SFPQ: variants seen among roughly 807,000 people sequenced by gnomAD.
SFPQ encodes splicing factor, proline- and glutamine-rich.
SFPQ carries 11 observed loss-of-function variants against 72.9 expected under a neutral mutation model. That is an observed-to-expected ratio of 0.15 (90% CI 0.09 to 0.25). SFPQ has a LOEUF of 0.25. Among genes scored for constraint, SFPQ ranks in the 10% least tolerant of loss-of-function variants. The pLI, the probability that SFPQ is intolerant of heterozygous loss-of-function variation, is 1.00. For synonymous variants in SFPQ, 506 were observed against 367.3 expected (o/e 1.38, Z -4.32); for missense variants, 847 against 993.3 (o/e 0.85, Z 1.98).
In SFPQ at chr1:35,183,217, T is replaced by C. The variant is rs538722423; in HGVS notation, c.*1239A>G. 7.1e-5 allele frequency: 71 copies of C among 999,248 alleles called. No individual in the cohort carries two copies. The Middle Eastern group carries it at 2.9e-3, about 40-fold the overall frequency. The allele number at this position is 999,248 out of a possible 1,614,324, so 61.9% of individuals were successfully genotyped here. On this transcript the variant is annotated 3_prime_UTR_variant, in exon 10 of 10. Transcript: ENST00000357214. ...GTATATATAACTAAACCTACTTCAG[T>C]ACTAAACCTTTTTTTTTTTTTGAGA...
downstream of SFPQ, chr1:35,179,206 G>C (rs1286144165): frequency 2.8e-6 from 3 of 1,061,182 alleles, no homozygotes; most frequent in Non-Finnish European, 2.3e-6. Context: ...ATGCAGGACT[G>C]TGGATCATGT....
At chr1:35,180,830 CA>C (rs1321743045), downstream of SFPQ, 4 of 985,304 alleles carry the variant, frequency 4.1e-6, no homozygotes, top group Non-Finnish European at 3.6e-6. Flanking sequence ...CCCTCTCCCC[CA>C]CACCACTGAT....
intron 7 of SFPQ, among the ~76,000 whole-genome samples, chr1:35,187,553 A>T (rs1344997986): frequency 1.3e-5 from 2 of 152,186 alleles, no homozygotes; most frequent in Non-Finnish European, 2.9e-5. Context: ...CAACAAGGCG[A>T]AACGCCATTT....
Position 35,183,270 on chromosome 1 carries a change from G to A in SFPQ, c.*1186C>T. On this transcript the variant is annotated 3_prime_UTR_variant, in exon 10 of 10. Coordinates refer to ENST00000357214, the MANE Select transcript of SFPQ (RefSeq NM_005066.3). ...GAGTCTCGCTCTGTTGTCCAGGCTG[G>A]AGTGCAGTGGCAGTCTCAGCTCACT... The A allele has an allele frequency of 1.5e-6, 1 of 681,620 alleles. No homozygotes were observed. The highest frequency in any genetic ancestry group is 1.8e-6 in the Non-Finnish European group (1 of 545,242). The allele number at this position is 681,620 out of a possible 1,614,324, so 42.2% of individuals were successfully genotyped here. A position where few individuals can be genotyped will look rare whatever the true frequency, so the allele number is the denominator to read the frequency against.
chr1:35,182,652 T>A (rs1222761645), downstream of SFPQ: 1 of 985,348 alleles, frequency 1.0e-6, no homozygotes, highest in Admixed American at 6.1e-5. Context: ...ATTTTTCTTT[T>A]GCCAATTAGC....
intron 4 of SFPQ, chr1:35,177,645 A>AT (rs552324938): frequency 6.5e-6 from 1 of 153,876 alleles, no homozygotes; most frequent in South Asian, 2.0e-4. Flanking sequence ...CTTCTCCTAC[A>AT]TTTTCTTAAG....
chr1:35,180,270 GAAC>G (rs959508147), downstream of SFPQ: 7 of 1,049,236 alleles, frequency 6.7e-6, no homozygotes, highest in Admixed American at 3.3e-4. Context: ...GTGAGGTCTG[GAAC>G]AACAGTTGAT....
rs1309598958 is a variant in SFPQ at position 35,192,972 on chromosome 1, G to A, written c.78C>T (p.Gly26=). 3 of 1,571,844 alleles carry A rather than the reference G, an allele frequency of 1.9e-6. No homozygotes were observed. Among genetic ancestry groups the A allele is most frequent in the East Asian group, 2.3e-5 (1 of 42,922 alleles). The change falls in exon 1 of 10, where the codon GGC becomes GGT. Residue 26 remains glycine, a synonymous_variant. Transcript: ENST00000357214. ...FHRRGGGGGR[G]GLHDFRSPPP... ...GCGGAGAACGGAAGTCGTGGAGGCC[G>A]CCGCGGCCGCCGCCTCCTCCACGCC...
intron 9 of SFPQ, 28 bp downstream of exon 9, chr1:35,186,973 T>C (rs780610825): frequency 3.8e-6 from 6 of 1,578,794 alleles, no homozygotes; most frequent in East Asian, 2.3e-5. Context: ...AGAATTTCCT[T>C]GGTACTACGT....
downstream of SFPQ, chr1:35,182,860 A>G (rs1639527342): frequency 9.6e-7 from 1 of 1,046,490 alleles, no homozygotes; most frequent in South Asian, 4.6e-5. Flanking sequence ...TAAACAATCT[A>G]CTTTAATAGT....
At chr1:35,179,354 T>G (rs1187121176), downstream of SFPQ, 3 of 1,057,382 alleles carry the variant, frequency 2.8e-6, no homozygotes, top group Non-Finnish European at 2.3e-6. Flanking sequence ...CAACCTTGCA[T>G]GAAGAGCACC....
intron 9 of SFPQ, among the ~76,000 whole-genome samples, chr1:35,186,441 TG>T (rs576218962): frequency 1.1e-3 from 175 of 152,298 alleles, no homozygotes; most frequent in African/African-American, 4.1e-3. Flanking sequence ...AGATGTCAGT[TG>T]ATTTTAGAAG....
In SFPQ at chr1:35,189,397, A is replaced by T. The variant is rs1368424584; in HGVS notation, c.1416-15T>A. On this transcript the variant is annotated splice_polypyrimidine_tract_variant and intron_variant, in intron 4 of 9. Coordinates refer to ENST00000357214, the MANE Select transcript of SFPQ (RefSeq NM_005066.3). The stretch of plus-strand genomic sequence containing the variant: ...TTTCTCTCTCCCTAACAATACACAA[A>T]ATTTTAACATGAACCGATTTGTGAA... 9 of 1,602,194 alleles carry T rather than the reference A, an allele frequency of 5.6e-6. No homozygotes were observed. In the African/African-American group the frequency reaches 1.1e-4, roughly 19 times the overall value.
In SFPQ at chr1:35,182,954, GGTGGGAGGAAGGGATATTTGTACTGT is replaced by G; in HGVS notation, c.*1476_*1501del. 1 of 1,043,592 alleles carries G rather than the reference GGTGGGAGGAAGGGATATTTGTACTGT, an allele frequency of 9.6e-7. No individual in the cohort carries two copies. Among genetic ancestry groups the G allele is most frequent in the Non-Finnish European group, 1.2e-6 (1 of 865,736 alleles). 64.6% of individuals were successfully genotyped at this position (1,043,592 alleles called of 1,614,324 possible). ...CCATGGAAACATTCCAAGCCTTTAT[GGTGGGAGGAAGGGATATTTGTACTGT>G]GTAGCATGAGCAACTTTCTCCAGAT... On this transcript the variant is annotated 3_prime_UTR_variant, in exon 10 of 10. Transcript: ENST00000357214.
downstream of SFPQ, chr1:35,178,032 C>A: frequency 7.7e-7 from 1 of 1,291,888 alleles, no homozygotes; most frequent in Non-Finnish European, 1.0e-6. Context: ...ATCAATCATT[C>A]TTACCTAAAG....
Position 35,183,265 on chromosome 1 carries a change from G to T in SFPQ, c.*1191C>A. 1 of 759,084 alleles carries T rather than the reference G, an allele frequency of 1.3e-6. No individual in the cohort carries two copies. Among genetic ancestry groups the T allele is most frequent in the Non-Finnish European group, 1.6e-6 (1 of 616,482 alleles). The allele number at this position is 759,084 out of a possible 1,614,324, so 47.0% of individuals were successfully genotyped here. A position where few individuals can be genotyped will look rare whatever the true frequency, so the allele number is the denominator to read the frequency against. On this transcript the variant is annotated 3_prime_UTR_variant, in exon 10 of 10. Transcript: ENST00000357214. Reference sequence around the variant, plus strand: ...AGACAGAGTCTCGCTCTGTTGTCCAGGCTGGAGTGCAGTGGCAGTCTCAGC... The same window carrying T: ...AGACAGAGTCTCGCTCTGTTGTCCATGCTGGAGTGCAGTGGCAGTCTCAGC...
At chr1:35,181,526 T>G (rs1016483506), downstream of SFPQ, 4 of 1,062,998 alleles carry the variant, frequency 3.8e-6, no homozygotes, top group African/African-American at 4.9e-5. Flanking sequence ...GCAAAGAGGA[T>G]TATGGTTTCA....
At chr1:35,179,276 C>T (rs1415086416), downstream of SFPQ, 1 of 1,060,224 alleles carries the variant, frequency 9.4e-7, no homozygotes, top group Non-Finnish European at 1.1e-6. Flanking sequence ...GGTTAAAAGT[C>T]CAAAACTAGT....
At chr1:35,185,142 A>G (rs998482035) in intron 9 of SFPQ, among the ~76,000 whole-genome samples, 1 of 152,172 alleles carries the variant, frequency 6.6e-6, no homozygotes, top group African/African-American at 2.4e-5. Context: ...AAGTTTTAAT[A>G]AAATGCTACC....
Sources: gnomAD v4.1 joint callset for allele counts (sites outside exome capture counted in the v4.1 genomes callset) on GRCh38, gnomAD v4.1.1 for gene constraint, MANE v1.5 for transcripts, NCBI Gene and HGNC (gene_info 2026-07-23, HGNC 2026-07-21) for gene names.